Variants in SUPT3H observed in about 807,000 individuals in gnomAD.
The protein encoded by SUPT3H is transcription initiation protein SPT3 homolog.
A neutral mutation model predicts 44.3 loss-of-function variants in SUPT3H; 44 were observed. The ratio of observed to expected loss-of-function variants is 0.99; its 90% CI spans 0.78 to 1.28. The LOEUF (loss-of-function observed/expected upper bound fraction) is 1.28, where lower values mean the gene tolerates loss of function less well. Among genes scored for constraint, SUPT3H ranks in the 50% most tolerant of loss-of-function variants. The pLI, the probability that SUPT3H is intolerant of heterozygous loss-of-function variation, is 0.00. For missense variants in SUPT3H, 380 were observed against 387.1 expected (o/e 0.98, Z 0.15); for synonymous variants, 124 against 125.6 (o/e 0.99, Z 0.09).
intron 2 of SUPT3H, among the ~76,000 whole-genome samples, chr6:45,134,626 G>A (rs1396575685): frequency 6.9e-6 from 1 of 145,084 alleles, no homozygotes; most frequent in Non-Finnish European, 1.6e-5. Context: ...ATAAAATGAG[G>A]GTGAAGGCAT....
At chr6:44,825,345 C>T (rs908938485), downstream of SUPT3H, among the ~76,000 whole-genome samples, 1 of 152,128 alleles carries the variant, frequency 6.6e-6, no homozygotes, top group Non-Finnish European at 1.5e-5. Context: ...AATTTTCTTG[C>T]AATCAAATTT....
chr6:45,105,125 A>C (rs1442572505), intron 3 of SUPT3H, among the ~76,000 whole-genome samples: 3 of 152,010 alleles, frequency 2.0e-5, no homozygotes, highest in African/African-American at 7.2e-5. Context: ...AATTAAGTAT[A>C]TTATAAAGAA....
chr6:44,892,598 G>GA (rs777778635), intron 10 of SUPT3H, among the ~76,000 whole-genome samples: 52 of 152,204 alleles, frequency 3.4e-4, no homozygotes, highest in Non-Finnish European at 6.2e-4. Context: ...AATACACAGG[G>GA]AAAAAAGGAT....
chr6:45,374,985 G>A (rs1280422577), intron 1 of SUPT3H, among the ~76,000 whole-genome samples: 1 of 152,052 alleles, frequency 6.6e-6, no homozygotes, highest in Non-Finnish European at 1.5e-5. Flanking sequence ...GGCGGGTGGA[G>A]CACTTGAGAT....
intron 10 of SUPT3H, among the ~76,000 whole-genome samples, chr6:44,840,031 G>A (rs1429409603): frequency 6.6e-6 from 1 of 152,196 alleles, no homozygotes; most frequent in East Asian, 1.9e-4. Flanking sequence ...GAATTAAGAA[G>A]TCAGTTGAAA....
At chr6:45,003,288 C>A (rs1782251274) in intron 6 of SUPT3H, among the ~76,000 whole-genome samples, 1 of 152,024 alleles carries the variant, frequency 6.6e-6, no homozygotes, top group Admixed American at 6.6e-5. Context: ...AACATAAAAG[C>A]AGTAAGAATT....
chr6:45,356,151 C>T (rs945599851), intron 2 of SUPT3H, among the ~76,000 whole-genome samples: 1 of 151,900 alleles, frequency 6.6e-6, no homozygotes, highest in Non-Finnish European at 1.5e-5. Context: ...AATGTTATGC[C>T]AATTAGAAAA....
chr6:45,067,891 G>C (rs1239568121), intron 3 of SUPT3H, among the ~76,000 whole-genome samples: 3 of 147,102 alleles, frequency 2.0e-5, no homozygotes, highest in Non-Finnish European at 1.5e-5. Context: ...CAACCATTGT[G>C]GAAGTCAGTG....
At chr6:45,180,521 T>C (rs920345345) in intron 2 of SUPT3H, among the ~76,000 whole-genome samples, 4 of 138,248 alleles carry the variant, frequency 2.9e-5, no homozygotes, top group Non-Finnish European at 4.7e-5. Flanking sequence ...AAAACAGAGA[T>C]ATAGATCAAT....
At chr6:44,931,039 C>T (rs1582573462) in intron 10 of SUPT3H, among the ~76,000 whole-genome samples, 4 of 152,154 alleles carry the variant, frequency 2.6e-5, no homozygotes, top group Admixed American at 2.6e-4. Flanking sequence ...ACCACGATGG[C>T]TCTCAGGTGA....
chr6:45,082,687 G>A (rs904443045), intron 3 of SUPT3H, among the ~76,000 whole-genome samples: 15 of 152,216 alleles, frequency 9.9e-5, no homozygotes, highest in African/African-American at 3.6e-4. Flanking sequence ...GCAAAAGCTT[G>A]AAAGCATTCT....
intron 2 of SUPT3H, among the ~76,000 whole-genome samples, chr6:45,344,569 G>A (rs567720219): frequency 3.3e-5 from 5 of 151,880 alleles, no homozygotes; most frequent in South Asian, 4.2e-4. Context: ...ACTGCTTTAC[G>A]ATATGCACAA....
intron 6 of SUPT3H, among the ~76,000 whole-genome samples, chr6:44,996,026 A>G: frequency 6.6e-6 from 1 of 151,938 alleles, no homozygotes; most frequent in East Asian, 1.9e-4. Context: ...AATACTATGA[A>G]AAACATTGTG....
chr6:45,021,261 A>G (rs1785095495), intron 3 of SUPT3H, among the ~76,000 whole-genome samples: 1 of 151,936 alleles, frequency 6.6e-6, no homozygotes, highest in Non-Finnish European at 1.5e-5. Context: ...CTGCACTAAA[A>G]GTTAGATTCC....
chr6:44,867,921 T>G (rs373500041), intron 10 of SUPT3H, among the ~76,000 whole-genome samples: 7 of 152,096 alleles, frequency 4.6e-5, no homozygotes, highest in African/African-American at 1.7e-4. Context: ...TCCTCCTCCT[T>G]CTCTTTTTCT....
intron 11 of SUPT3H, among the ~76,000 whole-genome samples, chr6:44,819,015 C>T (rs1767097378): frequency 6.6e-6 from 1 of 152,132 alleles, no homozygotes; most frequent in African/African-American, 2.4e-5. Context: ...AAAGATCTGT[C>T]CATTTGTGTT....
At chr6:45,365,453 G>A in intron 1 of SUPT3H, 152 bp from the exon 2 acceptor site, 1 of 558,488 alleles carries the variant, frequency 1.8e-6, no homozygotes, top group South Asian at 2.5e-5. Flanking sequence ...TATACTTAAT[G>A]TTCTTTATTA....
At chr6:45,295,827 G>A (rs1781092742) in intron 2 of SUPT3H, among the ~76,000 whole-genome samples, 1 of 152,034 alleles carries the variant, frequency 6.6e-6, no homozygotes, top group Admixed American at 6.6e-5. Flanking sequence ...CAAAAACTGG[G>A]TAAATGTTGG....
intron 10 of SUPT3H, among the ~76,000 whole-genome samples, chr6:44,899,750 T>C (rs1764674160): frequency 2.0e-5 from 3 of 152,178 alleles, no homozygotes; most frequent in African/African-American, 7.2e-5. Flanking sequence ...TGTTTTATTA[T>C]CTCAAAAGTT....
Sources: gnomAD v4.1 joint callset for allele counts (sites outside exome capture counted in the v4.1 genomes callset) on GRCh38, gnomAD v4.1.1 for gene constraint, MANE v1.5 for transcripts, NCBI Gene and HGNC (gene_info 2026-07-23, HGNC 2026-07-21) for gene names.